The following ASXL2 variants were observed in gnomAD, a reference collection of about 807,000 sequenced individuals.
ASXL2 encodes putative Polycomb group protein ASXL2.
A neutral mutation model predicts 122.0 loss-of-function variants in ASXL2; 23 were observed. That is an observed-to-expected ratio of 0.19 (90% CI 0.14 to 0.27). ASXL2 has a LOEUF of 0.27. Ranked by LOEUF, ASXL2 falls within the 10% of genes least tolerant of loss-of-function variation. ASXL2 has a pLI of 1.00. For missense variants in ASXL2, 1,518 were observed against 1,713.8 expected (o/e 0.89, Z 2.02); for synonymous variants, 650 against 637.0 (o/e 1.02, Z -0.31).
At position 25,739,890 on chromosome 2, in the gene ASXL2, C is replaced by T. The variant is rs116157511; in HGVS notation, c.*2139G>A. 755 of 217,996 alleles carry T rather than the reference C, an allele frequency of 3.5e-3. 10 individuals are homozygous for T. Among genetic ancestry groups the T allele is most frequent in the African/African-American group, 0.016 (719 of 44,630 alleles). 13.5% of individuals were successfully genotyped at this position (217,996 alleles called of 1,614,324 possible). On this transcript the variant is annotated 3_prime_UTR_variant, in exon 13 of 13. Coordinates refer to ENST00000435504, the MANE Select transcript of ASXL2 (RefSeq NM_018263.6). Reference sequence around the variant, plus strand: ...CTCTTCCAGCATGCAGACCAGCCCTCGGCCCTGGCACTAAGGTGGAGTTAA... The same window carrying T: ...CTCTTCCAGCATGCAGACCAGCCCTTGGCCCTGGCACTAAGGTGGAGTTAA...
chr2:25,789,865 CA>C (rs1308551247), intron 5 of ASXL2, among the ~76,000 whole-genome samples: 1 of 152,028 alleles, frequency 6.6e-6, no homozygotes, highest in East Asian at 1.9e-4. Flanking sequence ...GCAAGTGACC[CA>C]AACTGACAGA....
intron 8 of ASXL2, among the ~76,000 whole-genome samples, chr2:25,762,413 C>T (rs540144140): frequency 6.6e-6 from 1 of 151,426 alleles, no homozygotes; most frequent in South Asian, 2.1e-4. Flanking sequence ...TGCCTATAAT[C>T]CCAGCACTTT....
chr2:25,753,490 T>C, intron 11 of ASXL2, 44 bp downstream of exon 11: 2 of 1,436,844 alleles, frequency 1.4e-6, no homozygotes, highest in Non-Finnish European at 1.9e-6. Context: ...ATGACTTATA[T>C]GTAGGAATTA....
rs1005506744 is a variant in ASXL2 at position 25,749,985 on chromosome 2, G to A, written c.1571C>T (p.Ser524Leu). The A allele has an allele frequency of 6.8e-6, 11 of 1,613,844 alleles. No homozygotes were observed. Among genetic ancestry groups the A allele is most frequent in the East Asian group, 2.2e-5 (1 of 44,902 alleles). Residue 524 changes from serine to leucine, a missense_variant, in exon 12 of 13, where the codon TCG becomes TTG. Physicochemically the swap from Ser to Leu is moderately radical, Grantham distance 145 (BLOSUM62 -2). Transcript: ENST00000435504. ...KSESQESLVTSPSKPKSPGVE... is the reference protein window; with the variant it reads ...KSESQESLVTLPSKPKSPGVE... ...CCCAGGACTCTTGGGTTTGCTTGGC[G>A]ATGTAACTAAAGATTCTTGGCTTTC...
chr2:25,804,471 G>T (rs773089947), intron 4 of ASXL2, among the ~76,000 whole-genome samples: 17 of 152,230 alleles, frequency 1.1e-4, no homozygotes, highest in Non-Finnish European at 2.4e-4. Flanking sequence ...TCCTGCTTTA[G>T]TTCTTATCTC....
At chr2:25,797,681 C>T (rs1035957131) in intron 5 of ASXL2, among the ~76,000 whole-genome samples, 10 of 152,096 alleles carry the variant, frequency 6.6e-5, no homozygotes, top group African/African-American at 2.4e-4. Flanking sequence ...ATTAAAACAA[C>T]GAGATACTAC....
At chr2:25,837,095 G>GGC (rs1559525016) in intron 2 of ASXL2, among the ~76,000 whole-genome samples, 1 of 112,578 alleles carries the variant, frequency 8.9e-6, no homozygotes, top group African/African-American at 3.3e-5. Flanking sequence ...GGGGGGGGGG[G>GGC]GCGTGGGAAG....
chr2:25,784,702 G>C (rs78615547), intron 5 of ASXL2, among the ~76,000 whole-genome samples: 3 of 152,098 alleles, frequency 2.0e-5, no homozygotes, highest in Admixed American at 6.6e-5. Context: ...CGTCTCCATC[G>C]TCACACGGCA....
At chr2:25,822,637 C>T (rs1559521082) in intron 3 of ASXL2, 2 of 577,086 alleles carry the variant, frequency 3.5e-6, no homozygotes, top group South Asian at 1.5e-5. Context: ...ATCTTTTTCA[C>T]AGTATTGATC....
At chr2:25,831,533 G>A (rs2089451178) in intron 3 of ASXL2, among the ~76,000 whole-genome samples, 1 of 151,164 alleles carries the variant, frequency 6.6e-6, no homozygotes. Context: ...GCACACCTGT[G>A]GTCCCAGCTA....
intron 3 of ASXL2, among the ~76,000 whole-genome samples, chr2:25,827,024 G>C (rs1227059360): frequency 7.0e-6 from 1 of 142,452 alleles, no homozygotes; most frequent in African/African-American, 2.6e-5. Context: ...TTTGGGTAGA[G>C]ATAGGGTCTC....
At chr2:25,807,064 C>T (rs2089093127) in intron 3 of ASXL2, among the ~76,000 whole-genome samples, 2 of 152,200 alleles carry the variant, frequency 1.3e-5, no homozygotes, top group South Asian at 4.1e-4. Flanking sequence ...TATCATACTT[C>T]ACATAAGAAA....
At chr2:25,803,894 G>C (rs1487255469) in intron 4 of ASXL2, among the ~76,000 whole-genome samples, 3 of 152,156 alleles carry the variant, frequency 2.0e-5, no homozygotes, top group African/African-American at 7.2e-5. Context: ...GTCTGCTGGA[G>C]AATTGCTTGG....
At chr2:25,767,905 A>C (rs2088381872) in intron 7 of ASXL2, among the ~76,000 whole-genome samples, 179 bp from the exon 8 acceptor site, 1 of 152,234 alleles carries the variant, frequency 6.6e-6, no homozygotes. Context: ...TTTTCCTCCC[A>C]GCATACTATT....
intron 7 of ASXL2, 83 bp from the exon 8 acceptor site, chr2:25,767,809 A>G: frequency 6.6e-7 from 1 of 1,507,850 alleles, no homozygotes; most frequent in South Asian, 1.2e-5. Context: ...ACATTCACTA[A>G]ATGAAGTTAT....
rs2087763933 is a variant in ASXL2 at position 25,737,954 on chromosome 2, C to T, written c.*4075G>A. On this transcript the variant is annotated 3_prime_UTR_variant, in exon 13 of 13. Transcript: ENST00000435504. ...ACCAAACCAGTCTGTACAAACCTTA[C>T]AGCCAGAAGGGAAAAAAATAGCTTG... 6.6e-6 allele frequency: 1 copy of T among 152,186 alleles called. No homozygotes were observed. Among genetic ancestry groups the T allele is most frequent in the South Asian group, 2.1e-4 (1 of 4,822 alleles). 9.4% of individuals were successfully genotyped at this position (152,186 alleles called of 1,614,324 possible).
At position 25,850,335 on chromosome 2, in the gene ASXL2, A is replaced by G. The variant is rs544591669; in HGVS notation, c.58-4772T>C. ...CACATATACTGCATTTGGCTAACAC[A>G]TGTCTTGAAGTATCTTTTAATCTAT... On this transcript the variant is annotated intron_variant, in intron 1 of 12. Coordinates refer to ENST00000435504, the MANE Select transcript of ASXL2 (RefSeq NM_018263.6). Among the ~76,000 whole-genome samples the G allele has an allele frequency of 1.9e-4, 29 of 152,294 alleles. 1 individual carries two copies. In the South Asian group the frequency reaches 5.8e-3, roughly 30 times the overall value.
At chr2:25,754,640 T>C (rs531411410) in intron 10 of ASXL2, among the ~76,000 whole-genome samples, 33 of 151,894 alleles carry the variant, frequency 2.2e-4, no homozygotes, top group Admixed American at 5.2e-4. Context: ...TAAAATATGA[T>C]CACATGACTA....
chr2:25,758,581 C>CA (rs1377480592), intron 9 of ASXL2, among the ~76,000 whole-genome samples: 2 of 152,052 alleles, frequency 1.3e-5, no homozygotes, highest in African/African-American at 4.8e-5. Context: ...GCCAAAGTCT[C>CA]AGACCTTTTC....
Sources: gnomAD v4.1 joint callset for allele counts (sites outside exome capture counted in the v4.1 genomes callset) on GRCh38, gnomAD v4.1.1 for gene constraint, MANE v1.5 for transcripts, NCBI Gene and HGNC (gene_info 2026-07-23, HGNC 2026-07-21) for gene names.